Variants in SLC25A28 observed in about 807,000 individuals in gnomAD.
The protein encoded by SLC25A28 is solute carrier family 25 member 28.
Under a neutral mutation model 31.9 loss-of-function variants are expected in SLC25A28, and 10 were observed. The ratio of observed to expected loss-of-function variants is 0.31; its 90% CI spans 0.19 to 0.53. The LOEUF (loss-of-function observed/expected upper bound fraction) is 0.53, where lower values mean the gene tolerates loss of function less well. Ranked by LOEUF, SLC25A28 falls within the 20% of genes least tolerant of loss-of-function variation. The probability of loss-of-function intolerance (pLI) is 0.95; values close to 1 mark genes in which losing one functional copy is unlikely to be tolerated. For missense variants in SLC25A28, 256 were observed against 490.3 expected, an observed-to-expected ratio of 0.52 and a Z score of 4.51; for synonymous variants, 208 against 203.6, an observed-to-expected ratio of 1.02 and a Z score of -0.19.
At chr10:99,647,558 A>G in the SLC25A28 span, among the ~76,000 whole-genome samples, 1 of 152,290 alleles carries the variant, frequency 6.6e-6, no homozygotes, top group East Asian at 1.9e-4. Flanking sequence ...GATTCTGGAT[A>G]TTAGTCCTCT....
chr10:99,614,981 G>A (rs1296401214), intron 1 of SLC25A28, among the ~76,000 whole-genome samples: 2 of 152,210 alleles, frequency 1.3e-5, no homozygotes, highest in Non-Finnish European at 2.9e-5. Flanking sequence ...TCACTGGTGA[G>A]CCAATGGAAG....
the SLC25A28 span, among the ~76,000 whole-genome samples, chr10:99,627,876 C>A: frequency 7.5e-5 from 3 of 40,108 alleles, no homozygotes; most frequent in South Asian, 2.8e-3. Flanking sequence ...CCACCTCCCG[C>A]AAGTTCCCGC....
chr10:99,629,517 A>C, the SLC25A28 span, among the ~76,000 whole-genome samples: 1 of 152,270 alleles, frequency 6.6e-6, no homozygotes. Context: ...AGGTGGAAAC[A>C]GTCCAAATGT....
chr10:99,635,755 T>C, the SLC25A28 span, among the ~76,000 whole-genome samples: 1 of 151,070 alleles, frequency 6.6e-6, no homozygotes, highest in Admixed American at 6.6e-5. Flanking sequence ...TCACATAAAC[T>C]TAAAGTAAAG....
At chr10:99,656,914 AC>A in the SLC25A28 span, among the ~76,000 whole-genome samples, 1 of 152,248 alleles carries the variant, frequency 6.6e-6, no homozygotes, top group South Asian at 2.1e-4. Flanking sequence ...TGAGCTGTTA[AC>A]CAGATAAGCA....
chr10:99,627,965 A>T, the SLC25A28 span, among the ~76,000 whole-genome samples: 1 of 152,174 alleles, frequency 6.6e-6, no homozygotes, highest in South Asian at 2.1e-4. Flanking sequence ...TGATCCCACA[A>T]ATAAGTGAGA....
upstream of SLC25A28, among the ~76,000 whole-genome samples, chr10:99,623,506 C>T (rs1019945965): frequency 2.0e-5 from 3 of 152,186 alleles, no homozygotes; most frequent in African/African-American, 7.2e-5. Context: ...TTATGCTCTC[C>T]TTTTCCTTCG....
At chr10:99,636,387 C>T in the SLC25A28 span, among the ~76,000 whole-genome samples, 1 of 151,876 alleles carries the variant, frequency 6.6e-6, no homozygotes, top group Non-Finnish European at 1.5e-5. Flanking sequence ...GGGTCAAAAA[C>T]GAATGGAAAT....
chr10:99,654,747 A>G, the SLC25A28 span, among the ~76,000 whole-genome samples: 2 of 152,274 alleles, frequency 1.3e-5, no homozygotes, highest in Non-Finnish European at 2.9e-5. Context: ...AAATTTTTTT[A>G]AAAAAGAAAT....
At chr10:99,612,490 TAAAG>T in intron 3 of SLC25A28, 49 bp downstream of exon 3, 30 of 1,592,268 alleles carry the variant, frequency 1.9e-5, no homozygotes, top group Non-Finnish European at 2.5e-5. Context: ...CTGCAAACTG[TAAAG>T]AAATACAGGT....
chr10:99,620,201 C>T lies in SLC25A28; in HGVS notation c.135G>A (p.Glu45=), dbSNP rs1465646681. ...GTACCGGGGGCCTGCAGGCCCCGGCCTCCCCGCCGCCGGCCCCCCGGCCCA... is the reference window on the plus strand; with the variant it reads ...GTACCGGGGGCCTGCAGGCCCCGGCTTCCCCGCCGCCGGCCCCCCGGCCCA... ...RGVGRGAGGG[E]AGACRPPVRQ... is the part of the protein sequence containing the mutation. Residue 45 remains glutamate, a synonymous_variant, in exon 1 of 4, where the codon GAG becomes GAA. Coordinates refer to ENST00000370495, the MANE Select transcript of SLC25A28 (RefSeq NM_031212.4). 7.0e-7 allele frequency: 1 copy of T among 1,430,782 alleles called. No homozygotes were observed. Among genetic ancestry groups the T allele is most frequent in the Admixed American group, 2.7e-5 (1 of 37,458 alleles). 88.6% of individuals were successfully genotyped at this position (1,430,782 alleles called of 1,614,324 possible).
At chr10:99,642,759 A>C in the SLC25A28 span, among the ~76,000 whole-genome samples, 3 of 152,164 alleles carry the variant, frequency 2.0e-5, no homozygotes, top group Admixed American at 1.3e-4. Context: ...TAGTTTATTG[A>C]GAGTTTTTAG....
At chr10:99,638,444 CTT>C in the SLC25A28 span, among the ~76,000 whole-genome samples, 1 of 152,074 alleles carries the variant, frequency 6.6e-6, no homozygotes, top group Non-Finnish European at 1.5e-5. Flanking sequence ...TTACCTGAGA[CTT>C]AATTAAACTG....
upstream of SLC25A28, chr10:99,620,769 G>A: frequency 1.0e-6 from 1 of 985,466 alleles, no homozygotes; most frequent in Middle Eastern, 5.2e-4. Flanking sequence ...CCATTGGCCC[G>A]CACCACGTCG....
the SLC25A28 span, among the ~76,000 whole-genome samples, chr10:99,632,187 C>T: frequency 6.6e-6 from 1 of 151,960 alleles, no homozygotes; most frequent in African/African-American, 2.4e-5. Flanking sequence ...TGAGCCACCG[C>T]GCCTGGCCCA....
chr10:99,635,843 C>G, the SLC25A28 span, among the ~76,000 whole-genome samples: 1 of 152,188 alleles, frequency 6.6e-6, no homozygotes, highest in Admixed American at 6.5e-5. Flanking sequence ...ACAAAACAAA[C>G]TTTAAAGCAA....
At chr10:99,650,301 C>T in the SLC25A28 span, among the ~76,000 whole-genome samples, 2 of 152,150 alleles carry the variant, frequency 1.3e-5, no homozygotes, top group Admixed American at 1.3e-4. Context: ...CTTCAGCCTC[C>T]TGGGTAACTG....
chr10:99,659,106 G>C, the SLC25A28 span, among the ~76,000 whole-genome samples: 1 of 152,236 alleles, frequency 6.6e-6, no homozygotes, highest in Non-Finnish European at 1.5e-5. The surrounding 1 kb of genome is among the most constrained non-coding windows in gnomAD (Gnocchi z 4.1). Flanking sequence ...TTATGGGCAA[G>C]GGATGCGCTT....
intron 1 of SLC25A28, chr10:99,615,356 CAAAAAAAA>C: frequency 1.2e-6 from 1 of 802,430 alleles, no homozygotes; most frequent in Non-Finnish European, 1.5e-6. Context: ...AACTCCATCT[CAAAAAAAA>C]AAAAAAAAAA....
Sources: allele counts gnomAD v4.1 joint callset (sites outside exome capture counted in the v4.1 genomes callset), GRCh38; gene constraint gnomAD v4.1.1; non-coding constraint Gnocchi (gnomAD v3.1); transcripts MANE v1.5; gene names NCBI Gene and HGNC (gene_info 2026-07-23, HGNC 2026-07-21).